DDR2: variants seen among roughly 807,000 people sequenced by gnomAD.
DDR2 encodes the protein discoidin domain receptor tyrosine kinase 2, also known as discoidin domain-containing receptor 2.
Under a neutral mutation model 94.9 loss-of-function variants are expected in DDR2, and 27 were observed. The observed-to-expected ratio is 0.28, with a 90% CI of 0.21 to 0.39. DDR2 has a LOEUF of 0.39. Among genes scored for constraint, DDR2 ranks in the 10% least tolerant of loss-of-function variants. The pLI is 1.00. For missense variants in DDR2, 783 were observed against 1,076.0 expected (o/e 0.73, Z 3.81); for synonymous variants, 382 against 377.2 (o/e 1.01, Z -0.15).
At chr1:162,716,652 G>A (rs1056810019) in intron 2 of DDR2, among the ~76,000 whole-genome samples, 3 of 150,874 alleles carry the variant, frequency 2.0e-5, no homozygotes, top group Admixed American at 1.3e-4. Context: ...TAAATCTTCC[G>A]TGTTTTATTT....
Position 162,684,852 on chromosome 1 carries a change from CACAT to C in DDR2, c.-28+29483_-28+29486del, listed in dbSNP as rs1271179420. 2.7e-4 allele frequency among the ~76,000 whole-genome samples: 40 copies of C among 146,368 alleles called. 1 individual carries two copies. Among genetic ancestry groups the C allele is most frequent in the African/African-American group, 7.2e-4 (28 of 38,840 alleles). ...ACACACACACACACACACACACACA[CACAT>C]ACATGAATAGCACCCTTAGCACCAT... is the stretch of plus-strand genomic sequence containing the variant. On this transcript the variant is annotated intron_variant, in intron 2 of 17. Transcript: ENST00000367921.
intron 11 of DDR2, among the ~76,000 whole-genome samples, chr1:162,768,125 T>G (rs1417421091): frequency 6.6e-6 from 1 of 152,230 alleles, no homozygotes; most frequent in Non-Finnish European, 1.5e-5. Context: ...ACAACTGATG[T>G]CCAGTCTTCT....
chr1:162,704,796 T>C (rs930386523), intron 2 of DDR2, among the ~76,000 whole-genome samples: 1 of 152,154 alleles, frequency 6.6e-6, no homozygotes, highest in African/African-American at 2.4e-5. Flanking sequence ...AACACACACA[T>C]CCAGTCTATA....
chr1:162,643,286 T>C (rs1441505423), intron 1 of DDR2, among the ~76,000 whole-genome samples: 1 of 152,144 alleles, frequency 6.6e-6, no homozygotes, highest in East Asian at 1.9e-4. Context: ...CAGGTGCTTC[T>C]GATCATCATT....
intron 1 of DDR2, among the ~76,000 whole-genome samples, chr1:162,645,515 TGATA>T (rs1322314057): frequency 6.6e-6 from 1 of 152,186 alleles, no homozygotes; most frequent in African/African-American, 2.4e-5. Flanking sequence ...TATTTTAATG[TGATA>T]GATAATGTGG....
At chr1:162,688,007 C>A (rs1659770603) in intron 2 of DDR2, among the ~76,000 whole-genome samples, 2 of 152,146 alleles carry the variant, frequency 1.3e-5, no homozygotes, top group African/African-American at 2.4e-5. Flanking sequence ...CTGACTCAGT[C>A]CAAAGGTGAC....
Position 162,754,044 on chromosome 1 carries a change from T to G in DDR2, c.186-580T>G, listed in dbSNP as rs79632939. 9.8e-3 allele frequency among the ~76,000 whole-genome samples: 1,487 copies of G among 152,204 alleles called. 22 individuals carry two copies. Among genetic ancestry groups the G allele is most frequent in the African/African-American group, 0.034 (1,419 of 41,534 alleles). ...TCTCAAAGTAAACTTTATAATAATT[T>G]CACAATTTTGCTCAGTGGTAGCTCA... On this transcript the variant is annotated intron_variant, in intron 4 of 17. Coordinates refer to ENST00000367921, the MANE Select transcript of DDR2 (RefSeq NM_006182.4).
At chr1:162,750,743 C>A (rs1287686863) in intron 3 of DDR2, among the ~76,000 whole-genome samples, 1 of 152,194 alleles carries the variant, frequency 6.6e-6, no homozygotes, top group Non-Finnish European at 1.5e-5. Context: ...TGACTTCAAA[C>A]TATACTACAA....
intron 2 of DDR2, among the ~76,000 whole-genome samples, chr1:162,667,146 G>T (rs1397826478): frequency 6.6e-6 from 1 of 151,992 alleles, no homozygotes; most frequent in East Asian, 1.9e-4. Context: ...TTTGCTGCCA[G>T]TCACCCAGTT....
chr1:162,635,475 G>A (rs539892373), intron 1 of DDR2, among the ~76,000 whole-genome samples: 56 of 152,182 alleles, frequency 3.7e-4, no homozygotes, highest in African/African-American at 1.3e-3. Context: ...GCAAACACAC[G>A]TCTAAAAGTG....
chr1:162,715,149 A>T (rs1260713966), intron 2 of DDR2, among the ~76,000 whole-genome samples: 1 of 152,202 alleles, frequency 6.6e-6, no homozygotes, highest in Non-Finnish European at 1.5e-5. Context: ...AGATGTAGTC[A>T]CTGAATATAT....
At chr1:162,684,113 C>T (rs1659545043) in intron 2 of DDR2, among the ~76,000 whole-genome samples, 1 of 152,146 alleles carries the variant, frequency 6.6e-6, no homozygotes, top group East Asian at 1.9e-4. Context: ...CCTTATTTTT[C>T]AGAAAAGCTC....
At chr1:162,744,450 G>A (rs540293724) in intron 3 of DDR2, among the ~76,000 whole-genome samples, 77 of 151,936 alleles carry the variant, frequency 5.1e-4, no homozygotes, top group Non-Finnish European at 5.9e-4. Context: ...TATTTCTACC[G>A]GGTTCAACCA....
At chr1:162,662,959 C>A (rs1658379631) in intron 2 of DDR2, among the ~76,000 whole-genome samples, 1 of 152,130 alleles carries the variant, frequency 6.6e-6, no homozygotes, top group Admixed American at 6.5e-5. Flanking sequence ...GACAGAGGAC[C>A]CTTTCCAGCA....
rs754929187 is a variant in DDR2 at position 162,766,012 on chromosome 1, TACA to T, written c.1117_1119del (p.Asn373del). 30 of 1,613,858 alleles carry T rather than the reference TACA, an allele frequency of 1.9e-5. No individual in the cohort carries two copies. In the African/African-American group the frequency reaches 2.7e-4, roughly 14 times the overall value. ...TTGTTTTATAACAGATGCTGCAATG[TACA>T]ACAACTCTGAAGCCCTGCCCACCTC... On this transcript the variant is annotated inframe_deletion, in exon 10 of 18. Transcript: ENST00000367921.
intron 2 of DDR2, among the ~76,000 whole-genome samples, chr1:162,668,165 A>G (rs1369977227): frequency 2.0e-5 from 3 of 152,204 alleles, no homozygotes; most frequent in African/African-American, 4.8e-5. Flanking sequence ...AAAAAAATCA[A>G]GTTGGCAAAT....
chr1:162,750,037 A>T (rs988789361), intron 3 of DDR2, among the ~76,000 whole-genome samples: 5 of 152,216 alleles, frequency 3.3e-5, no homozygotes, highest in Non-Finnish European at 7.3e-5. Context: ...AGCCAATATC[A>T]TACTGAATGG....
chr1:162,696,961 A>G (rs1024049974), intron 2 of DDR2, among the ~76,000 whole-genome samples: 6 of 151,948 alleles, frequency 3.9e-5, no homozygotes, highest in Admixed American at 1.3e-4. Flanking sequence ...TGAGATTTCT[A>G]TTATACAAGA....
At chr1:162,652,279 C>CAAAT (rs1657733838) in intron 1 of DDR2, among the ~76,000 whole-genome samples, 1 of 152,182 alleles carries the variant, frequency 6.6e-6, no homozygotes, top group African/African-American at 2.4e-5. Context: ...TATGGACCTA[C>CAAAT]AAATGCAAAC....
Sources: gnomAD v4.1 joint callset for allele counts (sites outside exome capture counted in the v4.1 genomes callset) on GRCh38, gnomAD v4.1.1 for gene constraint, MANE v1.5 for transcripts, NCBI Gene and HGNC (gene_info 2026-07-23, HGNC 2026-07-21) for gene names.